The following GPHN variants were observed in gnomAD, a reference collection of about 807,000 sequenced individuals.
The protein encoded by GPHN is gephyrin.
In GPHN, 17 loss-of-function variants were observed where a neutral mutation model predicts 95.5. That is an observed-to-expected ratio of 0.18 (90% confidence interval 0.12 to 0.27). The LOEUF (loss-of-function observed/expected upper bound fraction) is 0.27, where lower values mean the gene tolerates loss of function less well. Ranked by LOEUF, GPHN falls within the 10% of genes least tolerant of loss-of-function variation. The pLI is 1.00. For missense variants in GPHN, 660 were observed against 978.1 expected, an observed-to-expected ratio of 0.67 and a Z score of 4.34; for synonymous variants, 320 against 322.5, an observed-to-expected ratio of 0.99 and a Z score of 0.08.
the GPHN span, chr14:67,302,637 A>G: frequency 5.8e-6 from 7 of 1,209,030 alleles, no homozygotes; most frequent in Non-Finnish European, 7.6e-6. Flanking sequence ...CTTTAGAATA[A>G]AATATTTTTA....
the GPHN span, among the ~76,000 whole-genome samples, chr14:67,478,806 C>T: frequency 6.6e-6 from 1 of 152,214 alleles, no homozygotes; most frequent in East Asian, 1.9e-4. Context: ...CACTTCTGCA[C>T]CCTCCCTTCT....
chr14:66,631,034 C>CTT (rs372764568), intron 1 of GPHN, among the ~76,000 whole-genome samples: 1 of 147,140 alleles, frequency 6.8e-6, no homozygotes, highest in African/African-American at 2.5e-5. Flanking sequence ...TGCAGTCGTT[C>CTT]TTTTTTTTTG....
chr14:67,561,407 C>T, the GPHN span, among the ~76,000 whole-genome samples: 3 of 152,146 alleles, frequency 2.0e-5, no homozygotes, highest in East Asian at 1.9e-4. Flanking sequence ...AAAAATTAGC[C>T]GGGCATAGTG....
the GPHN span, chr14:67,337,673 C>A: frequency 6.6e-6 from 1 of 152,164 alleles, no homozygotes; most frequent in African/African-American, 2.4e-5. Context: ...AAGACTGAGT[C>A]CCCATGGATG....
chr14:67,562,587 G>C, the GPHN span: 15 of 1,612,526 alleles, frequency 9.3e-6, no homozygotes, highest in Non-Finnish European at 1.2e-5. Context: ...CGGGCTCCTG[G>C]CACCCCGCGG....
At position 67,069,953 on chromosome 14, in the gene GPHN, C is replaced by G. The variant is rs1008726968; in HGVS notation, c.1144+11167C>G. Among the ~76,000 whole-genome samples, 5 of 152,206 alleles carry G rather than the reference C, an allele frequency of 3.3e-5. No individual in the cohort carries two copies. In the South Asian group the frequency reaches 1.0e-3, roughly 31 times the overall value. ...GCATATATTTTTATTATCCAAATCA[C>G]TGCCTTAAGTTTCTACCTTCAGTCT... On this transcript the variant is annotated intron_variant, in intron 11 of 22. Transcript: ENST00000478722.
the GPHN span, chr14:67,472,268 T>C: frequency 6.6e-6 from 1 of 152,346 alleles, no homozygotes; most frequent in South Asian, 2.1e-4. Flanking sequence ...CTTCCTCTCA[T>C]TCTCCATCAG....
chr14:66,855,538 C>T (rs1260657234), intron 4 of GPHN, among the ~76,000 whole-genome samples: 1 of 152,056 alleles, frequency 6.6e-6, no homozygotes, highest in African/African-American at 2.4e-5. Context: ...TTTTGATGAA[C>T]ACCTGGGTTG....
At chr14:67,642,416 T>A in the GPHN span, 296 of 1,574,764 alleles carry the variant, frequency 1.9e-4, no homozygotes, top group Non-Finnish European at 2.4e-4. Flanking sequence ...TGCTTGGGGC[T>A]CATAACTTAG....
At chr14:67,139,814 G>C (rs2080342669) in intron 17 of GPHN, among the ~76,000 whole-genome samples, 1 of 152,090 alleles carries the variant, frequency 6.6e-6, no homozygotes, top group Admixed American at 6.5e-5. Flanking sequence ...AGTAGCAAAG[G>C]GGGATAGAGT....
intron 18 of GPHN, among the ~76,000 whole-genome samples, chr14:67,149,823 C>T (rs1190155022): frequency 6.6e-6 from 1 of 152,154 alleles, no homozygotes; most frequent in African/African-American, 2.4e-5. Flanking sequence ...CCCTTTTACA[C>T]CTTAGTGTAG....
At chr14:67,247,515 A>G in the GPHN span, among the ~76,000 whole-genome samples, 2 of 150,854 alleles carry the variant, frequency 1.3e-5, no homozygotes, top group Non-Finnish European at 2.9e-5. Context: ...AACTTGCTGT[A>G]TTGTCTTGGT....
At chr14:67,702,669 C>A in the GPHN span, among the ~76,000 whole-genome samples, 1 of 152,102 alleles carries the variant, frequency 6.6e-6, no homozygotes, top group Non-Finnish European at 1.5e-5. Context: ...CTTGGAAAAC[C>A]TTTGGGCTTA....
At chr14:66,627,814 CTCTT>C (rs1341125962) in intron 1 of GPHN, among the ~76,000 whole-genome samples, 1 of 152,058 alleles carries the variant, frequency 6.6e-6, no homozygotes, top group Non-Finnish European at 1.5e-5. Flanking sequence ...TATTTGTTCT[CTCTT>C]TGTCTGCTTT....
intron 1 of GPHN, among the ~76,000 whole-genome samples, chr14:66,559,007 G>A (rs1355054879): frequency 3.3e-5 from 5 of 151,396 alleles, no homozygotes; most frequent in Non-Finnish European, 7.4e-5. Context: ...TTGTCCTTGC[G>A]ATAGTTTACT....
chr14:66,743,235 TC>T lies in GPHN; in HGVS notation c.144-33222del, dbSNP rs199964699. ...TATACTTCTGGTAGACTTTTAATCTTCCCCCCCACTTTAAAGTCCCAGTATG... is the reference window on the plus strand; with the variant it reads ...TATACTTCTGGTAGACTTTTAATCTTCCCCCCACTTTAAAGTCCCAGTATG... On this transcript the variant is annotated intron_variant, in intron 2 of 22. Coordinates refer to ENST00000478722, the MANE Select transcript of GPHN (RefSeq NM_020806.5). Among the ~76,000 whole-genome samples, 173 of 151,958 alleles carry T rather than the reference TC, an allele frequency of 1.1e-3. 1 individual carries two copies. The Middle Eastern group carries it at 0.014, about 12-fold the overall frequency.
intron 18 of GPHN, among the ~76,000 whole-genome samples, chr14:67,144,248 AAAATAT>A (rs1426610571): frequency 4.8e-5 from 3 of 62,596 alleles, no homozygotes; most frequent in South Asian, 6.3e-4. Context: ...AAAAAAAAAA[AAAATAT>A]ATATATATAT....
At chr14:67,230,064 C>T in the GPHN span, among the ~76,000 whole-genome samples, 1 of 152,120 alleles carries the variant, frequency 6.6e-6, no homozygotes, top group Non-Finnish European at 1.5e-5. Context: ...TTGGAGATGG[C>T]TATAGCATCA....
At chr14:67,274,546 T>G in the GPHN span, among the ~76,000 whole-genome samples, 2 of 152,120 alleles carry the variant, frequency 1.3e-5, no homozygotes, top group African/African-American at 2.4e-5. Context: ...AGTTTGAAGT[T>G]GGATAGGGTG....
Sources: allele counts gnomAD v4.1 joint callset (sites outside exome capture counted in the v4.1 genomes callset), GRCh38; gene constraint gnomAD v4.1.1; transcripts MANE v1.5; gene names NCBI Gene and HGNC (gene_info 2026-07-23, HGNC 2026-07-21).